PARD3: variants seen among roughly 807,000 people sequenced by gnomAD.
PARD3 encodes the protein par-3 family cell polarity regulator, also known as partitioning defective 3 homolog.
In PARD3, 75 loss-of-function variants were observed where a neutral mutation model predicts 155.4. That is an observed-to-expected ratio of 0.48 (90% CI 0.40 to 0.58). The LOEUF (loss-of-function observed/expected upper bound fraction) is 0.58. PARD3 is among the 20% of genes least tolerant of loss of function. The pLI, the probability that PARD3 is intolerant of heterozygous loss-of-function variation, is 0.00. For missense variants in PARD3, 1,642 were observed against 1,721.7 expected, an observed-to-expected ratio of 0.95 and a Z score of 0.82; for synonymous variants, 576 against 610.5, an observed-to-expected ratio of 0.94 and a Z score of 0.83.
chr10:34,113,500 C>A (rs1311139230), intron 24 of PARD3, among the ~76,000 whole-genome samples: 2 of 136,984 alleles, frequency 1.5e-5, no homozygotes, highest in East Asian at 3.9e-4. Context: ...GACAGAAACA[C>A]ACACACACAC....
intron 20 of PARD3, among the ~76,000 whole-genome samples, chr10:34,304,667 T>C (rs1172925134): frequency 1.3e-5 from 2 of 152,236 alleles, no homozygotes; most frequent in Non-Finnish European, 2.9e-5. Context: ...ACCAATTACC[T>C]TGTGACCTTG....
intron 2 of PARD3, among the ~76,000 whole-genome samples, chr10:34,616,021 T>C (rs2091228497): frequency 6.6e-6 from 1 of 152,146 alleles, no homozygotes; most frequent in South Asian, 2.1e-4. Context: ...ACAGCAATTA[T>C]AGAAAACAGA....
At chr10:34,507,652 T>G (rs1449251780) in intron 3 of PARD3, among the ~76,000 whole-genome samples, 5 of 151,950 alleles carry the variant, frequency 3.3e-5, no homozygotes. Flanking sequence ...TGGAATACTG[T>G]TTTTCATTTT....
chr10:34,528,864 C>CTAA (rs2082648330), intron 2 of PARD3, among the ~76,000 whole-genome samples: 1 of 152,046 alleles, frequency 6.6e-6, no homozygotes, highest in Admixed American at 6.6e-5. Flanking sequence ...AGGGCCAAGG[C>CTAA]TAATGGAAAG....
chr10:34,518,525 G>T (rs2081931630), intron 2 of PARD3, among the ~76,000 whole-genome samples: 1 of 152,256 alleles, frequency 6.6e-6, no homozygotes, highest in South Asian at 2.1e-4. Flanking sequence ...ACCTGAAGGG[G>T]CTCCCAATGG....
intron 5 of PARD3, among the ~76,000 whole-genome samples, chr10:34,443,160 C>G (rs776181621): frequency 6.6e-6 from 1 of 152,072 alleles, no homozygotes; most frequent in Non-Finnish European, 1.5e-5. Context: ...GCAAAACTTG[C>G]GTCCACAATT....
At chr10:34,811,890 T>C (rs1028855409) in intron 1 of PARD3, among the ~76,000 whole-genome samples, 2 of 152,180 alleles carry the variant, frequency 1.3e-5, no homozygotes, top group East Asian at 3.9e-4. Context: ...GAACGGTCCA[T>C]GTAACGCGGT....
intron 2 of PARD3, 104 bp from the exon 3 acceptor site, chr10:34,517,263 T>A (rs13328811): frequency 2.0e-6 from 2 of 985,066 alleles, no homozygotes. Flanking sequence ...AATACTGATA[T>A]AAATGACCCT....
At chr10:34,588,883 T>C (rs1236728937) in intron 2 of PARD3, among the ~76,000 whole-genome samples, 1 of 152,206 alleles carries the variant, frequency 6.6e-6, no homozygotes, top group Non-Finnish European at 1.5e-5. Flanking sequence ...CTGTAGGACA[T>C]TAATATAACC....
intron 22 of PARD3, among the ~76,000 whole-genome samples, chr10:34,208,635 G>A (rs1196135122): frequency 6.6e-6 from 1 of 152,204 alleles, no homozygotes; most frequent in East Asian, 1.9e-4. Context: ...CTACAGAAAT[G>A]TGTTAAGCGT....
chr10:34,130,808 C>T (rs1947565874), intron 23 of PARD3, among the ~76,000 whole-genome samples: 1 of 152,194 alleles, frequency 6.6e-6, no homozygotes, highest in East Asian at 1.9e-4. Flanking sequence ...CAACTGTAAT[C>T]CTGACACTTT....
At chr10:34,505,029 A>AT (rs2080969324) in intron 3 of PARD3, among the ~76,000 whole-genome samples, 1 of 152,178 alleles carries the variant, frequency 6.6e-6, no homozygotes, top group Admixed American at 6.5e-5. Context: ...GGATTGAAAG[A>AT]TAAAAACAAA....
intron 3 of PARD3, among the ~76,000 whole-genome samples, chr10:34,503,446 A>C (rs964673270): frequency 4.6e-5 from 7 of 152,202 alleles, no homozygotes; most frequent in Non-Finnish European, 8.8e-5. Flanking sequence ...TTTAAAAGAT[A>C]ATTTATTCTT....
chr10:34,282,789 TC>T (rs2133926702), intron 21 of PARD3, among the ~76,000 whole-genome samples: 1 of 152,196 alleles, frequency 6.6e-6, no homozygotes, highest in East Asian at 1.9e-4. Flanking sequence ...AGTTTATACT[TC>T]TGAGTCACTA....
intron 22 of PARD3, among the ~76,000 whole-genome samples, chr10:34,166,824 A>C (rs761933224): frequency 4.6e-5 from 7 of 152,140 alleles, no homozygotes; most frequent in Non-Finnish European, 8.8e-5. Context: ...AGAACCTTAA[A>C]GATTGTTGTA....
intron 22 of PARD3, among the ~76,000 whole-genome samples, chr10:34,211,955 A>G (rs1446129763): frequency 2.6e-5 from 4 of 151,728 alleles, no homozygotes; most frequent in Admixed American, 6.6e-5. Flanking sequence ...CTTTCCATCA[A>G]GAGAAAAGGC....
At chr10:34,123,448 G>T (rs966605195) in intron 23 of PARD3, among the ~76,000 whole-genome samples, 4 of 151,824 alleles carry the variant, frequency 2.6e-5, no homozygotes, top group Non-Finnish European at 4.4e-5. Context: ...TAAACATTTT[G>T]TTTTTATTTT....
At chr10:34,557,703 C>G (rs1394768474) in intron 2 of PARD3, among the ~76,000 whole-genome samples, 1 of 152,000 alleles carries the variant, frequency 6.6e-6, no homozygotes, top group African/African-American at 2.4e-5. Context: ...AGCGATCCAC[C>G]TGCCTTAGCC....
At chr10:34,531,466 A>G (rs958292846) in intron 2 of PARD3, among the ~76,000 whole-genome samples, 4 of 152,218 alleles carry the variant, frequency 2.6e-5, no homozygotes, top group Non-Finnish European at 4.4e-5. Context: ...ATGTAATGAC[A>G]TTACTTTTTC....
Sources: allele counts gnomAD v4.1 joint callset (sites outside exome capture counted in the v4.1 genomes callset), GRCh38; gene constraint gnomAD v4.1.1; transcripts MANE v1.5; gene names NCBI Gene and HGNC (gene_info 2026-07-23, HGNC 2026-07-21).